SLIT3: variants seen among roughly 807,000 people sequenced by gnomAD.
SLIT3 encodes the protein slit homolog 3 protein.
Under a neutral mutation model 184.0 loss-of-function variants are expected in SLIT3, and 68 were observed. The observed-to-expected ratio is 0.37, with a 90% CI of 0.30 to 0.45. The LOEUF (loss-of-function observed/expected upper bound fraction) is 0.45, where lower values mean the gene tolerates loss of function less well. SLIT3 is among the 20% of genes least tolerant of loss of function. The pLI, the probability that SLIT3 is intolerant of heterozygous loss-of-function variation, is 1.00. For synonymous variants in SLIT3, 831 were observed against 828.6 expected (o/e 1.00, Z -0.05); for missense variants, 1,707 against 2,026.0 (o/e 0.84, Z 3.02).
At chr5:168,804,377 G>A (rs1003196701) in intron 9 of SLIT3, among the ~76,000 whole-genome samples, 4 of 149,840 alleles carry the variant, frequency 2.7e-5, no homozygotes, top group Non-Finnish European at 5.9e-5. Context: ...AAGAGAGCAA[G>A]GATAGGAAAT....
intron 4 of SLIT3, among the ~76,000 whole-genome samples, chr5:169,108,748 C>A (rs987535505): frequency 3.9e-5 from 6 of 152,192 alleles, no homozygotes; most frequent in African/African-American, 1.4e-4. Context: ...ACCTCCCCCT[C>A]ATTGCACACT....
intron 4 of SLIT3, among the ~76,000 whole-genome samples, chr5:169,089,061 G>GCTGACT (rs1356894892): frequency 1.1e-5 from 1 of 92,130 alleles, no homozygotes; most frequent in East Asian, 3.2e-4. Context: ...AAAAAGAAGT[G>GCTGACT]CTGACTCTGA....
intron 29 of SLIT3, 87 bp from the exon 30 acceptor site, chr5:168,687,203 T>C (rs1163080915): frequency 1.4e-5 from 20 of 1,453,814 alleles, no homozygotes; most frequent in Non-Finnish European, 1.9e-5. Context: ...GCAGGTGGCC[T>C]CTCCCCATCT....
chr5:169,152,992 T>A (rs758389317), intron 4 of SLIT3, among the ~76,000 whole-genome samples: 2 of 152,216 alleles, frequency 1.3e-5, no homozygotes, highest in Non-Finnish European at 2.9e-5. Context: ...TTTCCCTTTT[T>A]CAGGTTAAAA....
intron 4 of SLIT3, among the ~76,000 whole-genome samples, chr5:169,039,969 C>T (rs1757392112): frequency 6.6e-6 from 1 of 152,094 alleles, no homozygotes; most frequent in South Asian, 2.1e-4. Flanking sequence ...TTCAAAGGAC[C>T]CTATCATTTA....
At chr5:168,915,757 G>A (rs12514293) in intron 4 of SLIT3, among the ~76,000 whole-genome samples, 52 of 151,762 alleles carry the variant, frequency 3.4e-4, no homozygotes, top group Non-Finnish European at 6.9e-4. Context: ...CATGTGTCCA[G>A]AGGCTGCTGT....
intron 4 of SLIT3, among the ~76,000 whole-genome samples, chr5:169,132,342 G>A: frequency 6.6e-6 from 1 of 152,166 alleles, no homozygotes. Context: ...GGCATGCCAA[G>A]TCTGTATTTA....
At chr5:168,737,470 CAT>C (rs899705889) in intron 20 of SLIT3, among the ~76,000 whole-genome samples, 34 of 152,290 alleles carry the variant, frequency 2.2e-4, no homozygotes, top group Admixed American at 5.2e-4. Context: ...CACACACACA[CAT>C]GCACATGCAT....
intron 23 of SLIT3, chr5:168,718,205 G>A (rs1762810371): frequency 7.1e-6 from 1 of 141,340 alleles, no homozygotes; most frequent in African/African-American, 2.9e-5. Context: ...TGATCTCTTT[G>A]TCTCAGAAGG....
chr5:168,732,646 G>A (rs1247360466), intron 20 of SLIT3, among the ~76,000 whole-genome samples: 1 of 152,040 alleles, frequency 6.6e-6, no homozygotes, highest in Non-Finnish European at 1.5e-5. Context: ...GTACAGAACA[G>A]AGAACCCAAA....
chr5:169,200,469 C>T (rs894682582), intron 3 of SLIT3, among the ~76,000 whole-genome samples: 11 of 152,262 alleles, frequency 7.2e-5, no homozygotes, highest in South Asian at 2.1e-4. Context: ...TGCAAAAGCT[C>T]CAAGTCACCC....
chr5:168,758,817 C>T (rs966646223), intron 16 of SLIT3, among the ~76,000 whole-genome samples: 7 of 152,148 alleles, frequency 4.6e-5, no homozygotes, highest in African/African-American at 7.2e-5. Context: ...GAGAAAAAAA[C>T]GAGGTGGTAC....
chr5:169,188,656 C>T (rs978697798), intron 4 of SLIT3, among the ~76,000 whole-genome samples: 14 of 152,192 alleles, frequency 9.2e-5, no homozygotes, highest in South Asian at 2.1e-4. Context: ...CCCCAGCATA[C>T]GCACTACTCT....
intron 26 of SLIT3, 151 bp downstream of exon 26, chr5:168,707,825 T>G: frequency 1.2e-6 from 1 of 861,496 alleles, no homozygotes; most frequent in Non-Finnish European, 1.8e-6. Context: ...TACTGGCAAA[T>G]GCTGCTTTGG....
chr5:169,268,599 A>G (rs6862058), intron 1 of SLIT3, among the ~76,000 whole-genome samples: 10,272 of 152,254 alleles, frequency 0.067, 550 homozygotes, highest in Admixed American at 0.18. Context: ...AGAGAAGGCA[A>G]CAGGGCACGG....
chr5:169,005,361 T>A (rs1755879205), intron 4 of SLIT3, among the ~76,000 whole-genome samples: 1 of 152,186 alleles, frequency 6.6e-6, no homozygotes, highest in Admixed American at 6.5e-5. Context: ...AAACAGAGAA[T>A]CTAACGTCCG....
At chr5:169,295,129 G>T (rs747983147) in intron 1 of SLIT3, among the ~76,000 whole-genome samples, 23 of 152,210 alleles carry the variant, frequency 1.5e-4, no homozygotes, top group Admixed American at 5.2e-4. Context: ...AAAATAAAGT[G>T]ATGGCACTAT....
chr5:168,948,391 A>T (rs945517520), intron 4 of SLIT3, among the ~76,000 whole-genome samples: 1 of 152,110 alleles, frequency 6.6e-6, no homozygotes, highest in Non-Finnish European at 1.5e-5. Context: ...GTGTCATGTG[A>T]TTTAGGTGCA....
intron 3 of SLIT3, among the ~76,000 whole-genome samples, chr5:169,229,182 T>C (rs1764906949): frequency 6.6e-6 from 1 of 152,002 alleles, no homozygotes; most frequent in Non-Finnish European, 1.5e-5. Context: ...CTCCTTGTTA[T>C]GCTTTGAAAT....
Sources: allele counts gnomAD v4.1 joint callset (sites outside exome capture counted in the v4.1 genomes callset), GRCh38; gene constraint gnomAD v4.1.1; transcripts MANE v1.5; gene names NCBI Gene and HGNC (gene_info 2026-07-23, HGNC 2026-07-21).